Variants in MUC12 observed in about 807,000 individuals in gnomAD.
MUC12 encodes the protein mucin-12.
Under a neutral mutation model 230.8 loss-of-function variants are expected in MUC12, and 172 were observed. That is an observed-to-expected ratio of 0.75 (90% confidence interval 0.66 to 0.85). The LOEUF (loss-of-function observed/expected upper bound fraction) is 0.85. Ranked by LOEUF, MUC12 falls within the 40% of genes least tolerant of loss-of-function variation. The probability of loss-of-function intolerance (pLI) is 0.00; values close to 1 mark genes in which losing one functional copy is unlikely to be tolerated. For missense variants in MUC12, 3,506 were observed against 5,920.6 expected (o/e 0.59, Z 13.38); for synonymous variants, 1,259 against 2,401.9 (o/e 0.52, Z 13.91).
In MUC12 at chr7:100,992,374, C is replaced by T; in HGVS notation, c.1811C>T (p.Ala604Val). The part of the protein sequence containing the change: ...DNTTASGLLE[A>V]SMPVHSSTRS... Reference sequence around the variant, plus strand: ...ACCACAGCCTCAGGACTCCTTGAAGCATCTATGCCCGTCCACAGCAGCACC... The same window carrying T: ...ACCACAGCCTCAGGACTCCTTGAAGTATCTATGCCCGTCCACAGCAGCACC... The change falls in exon 2 of 12, where the codon GCA becomes GTA. Residue 604 changes from alanine to valine, a missense_variant. By Grantham distance (64) the Ala-to-Val change is moderately conservative. Coordinates refer to ENST00000536621, the MANE Select transcript of MUC12 (RefSeq NM_001164462.2). 6.5e-7 allele frequency: 1 copy of T among 1,536,682 alleles called. No homozygotes were observed. The highest frequency in any genetic ancestry group is 8.7e-7 in the Non-Finnish European group (1 of 1,146,048).
At chr7:101,011,636 G>A (rs1793841020) in intron 5 of MUC12, among the ~76,000 whole-genome samples, 1 of 152,036 alleles carries the variant, frequency 6.6e-6, no homozygotes, top group Non-Finnish European at 1.5e-5. Context: ...TGCCCAGGCT[G>A]GTCTTGAACT....
In MUC12 at chr7:100,990,937, C is replaced by T; in HGVS notation, c.374C>T (p.Pro125Leu). Reference protein sequence around the residue: ...TSASMETTALPGSTTTAGLSE... With the variant: ...TSASMETTALLGSTTTAGLSE... Reference sequence around the variant, plus strand: ...GCCTCAATGGAAACAACAGCGTTACCTGGCAGTACCACAACAGCAGGCCTG... The same window carrying T: ...GCCTCAATGGAAACAACAGCGTTACTTGGCAGTACCACAACAGCAGGCCTG... Residue 125 changes from proline to leucine, a missense_variant, in exon 2 of 12, where the codon CCT becomes CTT. By Grantham distance (98) the Pro-to-Leu change is moderately conservative (BLOSUM62 -3). Transcript: ENST00000536621. 1 of 1,537,904 alleles carries T rather than the reference C, an allele frequency of 6.5e-7. No homozygotes were observed. The highest frequency in any genetic ancestry group is 1.2e-5 in the South Asian group (1 of 84,062).
intron 1 of MUC12, among the ~76,000 whole-genome samples, chr7:100,970,734 T>C (rs1420694005): frequency 2.6e-5 from 4 of 151,898 alleles, no homozygotes; most frequent in South Asian, 4.2e-4. Context: ...TAGCTGGGCA[T>C]GGCCTGTAAT....
chr7:100,991,976 T>G lies in MUC12; in HGVS notation c.1413T>G (p.Ser471Arg), dbSNP rs559349492. Residue 471 changes from serine to arginine, a missense_variant, in exon 2 of 12, where the codon AGT (serine) becomes AGG (arginine). By Grantham distance (110) the Ser-to-Arg change is moderately radical (BLOSUM62 -1). Coordinates refer to ENST00000536621, the MANE Select transcript of MUC12 (RefSeq NM_001164462.2). Reference sequence around the variant, plus strand: ...GAGACTCGACGCCCTCACCCATCAGTTCAGGCTCAATGGAAACCACAGCGT... The same window carrying G: ...GAGACTCGACGCCCTCACCCATCAGGTCAGGCTCAATGGAAACCACAGCGT... ...LVGDSTPSPISSGSMETTALP... is the reference protein window; with the variant it reads ...LVGDSTPSPIRSGSMETTALP... The G allele has an allele frequency of 5.2e-6, 8 of 1,537,662 alleles. No individual in the cohort carries two copies. The African/African-American group carries it at 5.5e-5, about 11-fold the overall frequency.
rs1793708136 is a variant in MUC12 at position 101,004,781 on chromosome 7, A to T, written c.14218A>T (p.Ile4740Phe). The T allele has an allele frequency of 1.3e-6, 2 of 1,537,752 alleles. No individual in the cohort carries two copies. The highest frequency in any genetic ancestry group is 2.4e-5 in the East Asian group (1 of 40,916). ...ACCAGGCCTCAGTGCAAAATCTACC[A>T]TCCTTTACAGTAGCTCCAGATCACC... Reference protein sequence around the residue: ...TTPGLSAKSTILYSSSRSPDQ... With the variant: ...TTPGLSAKSTFLYSSSRSPDQ... Residue 4740 changes from isoleucine (I) to phenylalanine (F), a missense_variant, in exon 2 of 12, where the codon ATC (isoleucine) becomes TTC (phenylalanine). Coordinates refer to ENST00000536621, the MANE Select transcript of MUC12 (RefSeq NM_001164462.2).
intron 1 of MUC12, among the ~76,000 whole-genome samples, chr7:100,984,020 C>T (rs544040864): frequency 6.6e-6 from 1 of 152,272 alleles, no homozygotes; most frequent in African/African-American, 2.4e-5. Flanking sequence ...CTGCTGTCTC[C>T]TCGTTGTACT....
Position 101,004,750 on chromosome 7 carries a change from C to T in MUC12, c.14187C>T (p.Ala4729=), listed in dbSNP as rs750061279. 1 of 1,536,942 alleles carries T rather than the reference C, an allele frequency of 6.5e-7. No individual in the cohort carries two copies. Residue 4729 remains alanine (A), a synonymous_variant, in exon 2 of 12, where the codon GCC becomes GCT. Transcript: ENST00000536621. The stretch of plus-strand genomic sequence containing the variant: ...TGGAAACAACATTAGCCAGCACTGC[C>T]ACAACACCAGGCCTCAGTGCAAAAT... ...GSMETTLAST[A]TTPGLSAKST... is the part of the protein sequence containing the mutation.
chr7:101,005,659 G>A (rs995747663), intron 2 of MUC12, 140 bp downstream of exon 2: 2 of 1,074,136 alleles, frequency 1.9e-6, no homozygotes, highest in African/African-American at 3.2e-5. Flanking sequence ...CAGTTTCTGG[G>A]TTCGATACCA....
chr7:101,011,033 C>T (rs1317447519), intron 5 of MUC12, among the ~76,000 whole-genome samples: 6 of 152,038 alleles, frequency 3.9e-5, no homozygotes, highest in Non-Finnish European at 8.8e-5. Flanking sequence ...AGAGATGGCT[C>T]AGGTCGGGGG....
Position 101,012,815 on chromosome 7 carries a change from G to A in MUC12, c.15404-4G>A. ...CCATCTTCCTTCCCATCCACTCTCG[G>A]CAGAGGCCATACTGTGCTATAGTGA... On this transcript the variant is annotated splice_polypyrimidine_tract_variant and splice_region_variant and intron_variant, in intron 6 of 11. Coordinates refer to ENST00000536621, the MANE Select transcript of MUC12 (RefSeq NM_001164462.2). 6.5e-7 allele frequency: 1 copy of A among 1,537,204 alleles called. No homozygotes were observed. Among genetic ancestry groups the A allele is most frequent in the Non-Finnish European group, 8.7e-7 (1 of 1,146,880 alleles).
intron 10 of MUC12, among the ~76,000 whole-genome samples, chr7:101,016,052 C>T (rs1793912376): frequency 6.6e-6 from 1 of 152,138 alleles, no homozygotes; most frequent in Admixed American, 6.5e-5. Flanking sequence ...GTGAGACTGA[C>T]TCTTGAATAG....
chr7:101,015,059 T>C (rs1339948155), intron 9 of MUC12: 1 of 155,368 alleles, frequency 6.4e-6, no homozygotes, highest in African/African-American at 2.4e-5. Context: ...CCTCTCAGCA[T>C]TGCTGCCTTG....
At chr7:100,987,726 A>C (rs1031501840) in intron 1 of MUC12, among the ~76,000 whole-genome samples, 1 of 152,064 alleles carries the variant, frequency 6.6e-6, no homozygotes. Context: ...TAATCCCAGC[A>C]CTTTGGGAGG....
rs780350783 is a variant in MUC12 at position 101,013,180 on chromosome 7, GGT to G, written c.15638+40_15638+41del. 1.4e-5 allele frequency: 22 copies of G among 1,534,762 alleles called. 1 individual carries two copies. The South Asian group carries it at 2.6e-4, about 18-fold the overall frequency. On this transcript the variant is annotated intron_variant, in intron 8 of 11. Coordinates refer to ENST00000536621, the MANE Select transcript of MUC12 (RefSeq NM_001164462.2). ...ATAAGCCCAGCACCCACTCTGTCCT[GGT>G]GATAGGGCCCTCCCCCTCCCCAGCA...
chr7:100,992,343 G>A lies in MUC12; in HGVS notation c.1780G>A (p.Asp594Asn), dbSNP rs1793338814. ...CTCCACTGAAACAACACTCTTACCT[G>A]ACAACACCACAGCCTCAGGACTCCT... ...PGSTETTLLP[D>N]NTTASGLLEA... The change falls in exon 2 of 12, where the codon GAC becomes AAC. Residue 594 changes from aspartate (D) to asparagine (N), a missense_variant. Coordinates refer to ENST00000536621, the MANE Select transcript of MUC12 (RefSeq NM_001164462.2). 6.5e-7 allele frequency: 1 copy of A among 1,536,440 alleles called. No homozygotes were observed.
rs771764880 is a variant in MUC12, at chr7:100,991,143, A to G, written c.580A>G (p.Thr194Ala). ...TTMPGVSQES[T>A]ASHSIPGSTD... ...CATGCCAGGCGTCAGTCAGGAATCTACAGCTTCCCACAGCATCCCCGGCTC... is the reference window on the plus strand; with the variant it reads ...CATGCCAGGCGTCAGTCAGGAATCTGCAGCTTCCCACAGCATCCCCGGCTC... Residue 194 changes from threonine to alanine, a missense_variant, in exon 2 of 12, where the codon ACA becomes GCA. Physicochemically the swap from Thr to Ala is moderately conservative, Grantham distance 58. Coordinates refer to ENST00000536621, the MANE Select transcript of MUC12 (RefSeq NM_001164462.2). The G allele has an allele frequency of 4.3e-5, 66 of 1,537,674 alleles. No homozygotes were observed. Among genetic ancestry groups the G allele is most frequent in the Non-Finnish European group, 5.8e-5 (66 of 1,147,034 alleles).
chr7:100,969,804 GCTGCC>G, intron 1 of MUC12, 115 bp downstream of exon 1: 1 of 1,436,232 alleles, frequency 7.0e-7, no homozygotes, highest in Non-Finnish European at 9.4e-7. Flanking sequence ...ATGGCAAGGG[GCTGCC>G]ACAGGGCTGG....
Position 100,995,936 on chromosome 7 carries a change from A to T in MUC12, c.5373A>T (p.Ser1791=), listed in dbSNP as rs1477200519. The T allele has an allele frequency of 6.6e-6, 8 of 1,203,854 alleles. No homozygotes were observed. The highest frequency in any genetic ancestry group is 9.0e-6 in the Non-Finnish European group (8 of 884,112). The allele number at this position is 1,203,854 out of a possible 1,614,324, so 74.6% of individuals were successfully genotyped here. A position where few individuals can be genotyped will look rare whatever the true frequency, so the allele number is the denominator to read the frequency against. Residue 1791 remains serine (S), a synonymous_variant, in exon 2 of 12, where the codon TCA becomes TCT. Coordinates refer to ENST00000536621, the MANE Select transcript of MUC12 (RefSeq NM_001164462.2). ...TMHFPESSTA[S]GRSEESRTSH... ...ACTTCCCTGAAAGCTCCACAGCTTC[A>T]GGTCGTAGTGAAGAATCAAGAACTT...
chr7:101,008,987 A>AGCTT (rs1293120926), intron 4 of MUC12, 108 bp from the exon 5 acceptor site: 1 of 1,362,286 alleles, frequency 7.3e-7, no homozygotes, highest in African/African-American at 1.4e-5. Context: ...CTCCTATGGG[A>AGCTT]GCTTACCTGG....
Sources: gnomAD v4.1 joint callset for allele counts (sites outside exome capture counted in the v4.1 genomes callset) on GRCh38, gnomAD v4.1.1 for gene constraint, MANE v1.5 for transcripts, NCBI Gene and HGNC (gene_info 2026-07-23, HGNC 2026-07-21) for gene names.